The following SPATA16 variants were observed in gnomAD, a reference collection of about 807,000 sequenced individuals.
SPATA16 encodes spermatogenesis-associated protein 16.
A neutral mutation model predicts 63.3 loss-of-function variants in SPATA16; 36 were observed. The ratio of observed to expected loss-of-function variants is 0.57; its 90% CI spans 0.44 to 0.75. The LOEUF (loss-of-function observed/expected upper bound fraction) is 0.75. SPATA16 is among the 30% of genes least tolerant of loss of function. The pLI, the probability that SPATA16 is intolerant of heterozygous loss-of-function variation, is 0.00. For synonymous variants in SPATA16, 203 were observed against 216.7 expected (o/e 0.94, Z 0.56); for missense variants, 646 against 679.3 (o/e 0.95, Z 0.54).
intron 4 of SPATA16, among the ~76,000 whole-genome samples, chr3:173,016,532 T>C (rs79852764): frequency 6.8e-4 from 104 of 152,344 alleles, no homozygotes; most frequent in African/African-American, 2.4e-3. Flanking sequence ...TTTTAGGATC[T>C]CCTAAGTCAC....
At chr3:172,957,569 T>C (rs1733627487) in intron 5 of SPATA16, among the ~76,000 whole-genome samples, 1 of 152,208 alleles carries the variant, frequency 6.6e-6, no homozygotes, top group Non-Finnish European at 1.5e-5. Context: ...CTTTTCCTTC[T>C]AATGAGGCTT....
chr3:173,113,885 T>C (rs931952239), intron 2 of SPATA16, among the ~76,000 whole-genome samples: 11 of 152,160 alleles, frequency 7.2e-5, no homozygotes, highest in African/African-American at 2.7e-4. Flanking sequence ...TTGGCAACCA[T>C]TCTGAATGCC....
chr3:173,005,796 G>GA (rs530528436), intron 4 of SPATA16, among the ~76,000 whole-genome samples: 40 of 152,044 alleles, frequency 2.6e-4, no homozygotes, highest in Admixed American at 1.9e-3. Context: ...TATTTTTACA[G>GA]AAAAAATATG....
chr3:172,961,082 C>CTTCCTTCT (rs1286771883), intron 5 of SPATA16, among the ~76,000 whole-genome samples: 15 of 131,180 alleles, frequency 1.1e-4, no homozygotes, highest in Admixed American at 1.1e-3. Flanking sequence ...TCCTTCCTTC[C>CTTCCTTCT]TTCCTTCCTT....
At chr3:173,025,671 T>C (rs1387225655) in intron 3 of SPATA16, among the ~76,000 whole-genome samples, 1 of 151,942 alleles carries the variant, frequency 6.6e-6, no homozygotes, top group Non-Finnish European at 1.5e-5. Flanking sequence ...TTTATAGTTT[T>C]ACCTTCTCTA....
chr3:172,931,176 T>A (rs748837915), intron 6 of SPATA16, among the ~76,000 whole-genome samples: 3 of 152,200 alleles, frequency 2.0e-5, no homozygotes, highest in African/African-American at 7.2e-5. Context: ...TCCTGTTTCA[T>A]AGGGGCATGT....
At chr3:172,967,483 A>G (rs146421770) in intron 5 of SPATA16, among the ~76,000 whole-genome samples, 1 of 152,142 alleles carries the variant, frequency 6.6e-6, no homozygotes, top group African/African-American at 2.4e-5. Flanking sequence ...GTTTATTTAT[A>G]TGTTATTTTC....
chr3:172,891,472 C>T (rs1435257854), intron 10 of SPATA16, among the ~76,000 whole-genome samples: 1 of 152,204 alleles, frequency 6.6e-6, no homozygotes, highest in Non-Finnish European at 1.5e-5. Context: ...TGTATGTTCA[C>T]CTCCTACCTG....
At chr3:173,034,045 A>G (rs558687326) in intron 3 of SPATA16, among the ~76,000 whole-genome samples, 2 of 152,250 alleles carry the variant, frequency 1.3e-5, no homozygotes, top group South Asian at 4.1e-4. Flanking sequence ...GGTACAATGA[A>G]TAAACTTCCC....
chr3:173,042,545 T>C (rs1473827241), intron 3 of SPATA16, among the ~76,000 whole-genome samples: 1 of 152,160 alleles, frequency 6.6e-6, no homozygotes, highest in Admixed American at 6.6e-5. Context: ...TTTATGAAAA[T>C]ATAGAGCTTA....
intron 4 of SPATA16, 64 bp from the exon 5 acceptor site, chr3:172,977,116 A>C: frequency 3.9e-6 from 5 of 1,285,946 alleles, no homozygotes; most frequent in Non-Finnish European, 5.6e-6. Context: ...GGAAAACCAT[A>C]ACAGGCACTA....
chr3:173,096,223 C>G (rs1261585675), intron 2 of SPATA16, among the ~76,000 whole-genome samples: 1 of 152,020 alleles, frequency 6.6e-6, no homozygotes, highest in Non-Finnish European at 1.5e-5. Flanking sequence ...CTGGCACTAT[C>G]ATAGGATGGT....
At chr3:172,992,355 T>C (rs968802653) in intron 4 of SPATA16, among the ~76,000 whole-genome samples, 2 of 152,126 alleles carry the variant, frequency 1.3e-5, no homozygotes, top group African/African-American at 4.8e-5. Flanking sequence ...TGAGTTGCTT[T>C]TAAGGAAAGC....
intron 4 of SPATA16, among the ~76,000 whole-genome samples, chr3:172,980,865 G>A (rs1053822918): frequency 6.6e-6 from 1 of 152,100 alleles, no homozygotes; most frequent in African/African-American, 2.4e-5. Flanking sequence ...AAAGCAAACT[G>A]GAAAACCTCG....
intron 6 of SPATA16, among the ~76,000 whole-genome samples, chr3:172,952,809 G>A (rs28716012): frequency 0.034 from 5,125 of 151,862 alleles, 255 homozygotes; most frequent in African/African-American, 0.11. Flanking sequence ...GCATGGTGGC[G>A]TGCCCCTATA....
chr3:173,051,334 T>C (rs1039984166), intron 2 of SPATA16, among the ~76,000 whole-genome samples: 10 of 151,658 alleles, frequency 6.6e-5, no homozygotes, highest in African/African-American at 9.7e-5. Context: ...TCCCAAGTAG[T>C]TGGGATTACA....
intron 3 of SPATA16, among the ~76,000 whole-genome samples, chr3:173,044,469 T>A (rs1735913046): frequency 6.6e-6 from 1 of 152,184 alleles, no homozygotes; most frequent in South Asian, 2.1e-4. Context: ...TCTGTTTCTT[T>A]GTTGGGATTC....
chr3:173,093,755 T>C (rs2108321026), intron 2 of SPATA16, among the ~76,000 whole-genome samples: 1 of 152,292 alleles, frequency 6.6e-6, no homozygotes, highest in South Asian at 2.1e-4. Context: ...CCTCAAAAGG[T>C]ATTGATACAG....
At chr3:172,978,151 C>CTATATA (rs1734210619) in intron 4 of SPATA16, among the ~76,000 whole-genome samples, 1 of 148,512 alleles carries the variant, frequency 6.7e-6, no homozygotes, top group African/African-American at 2.5e-5. Context: ...CTCTCTCTCT[C>CTATATA]TCTCTCTCTC....
Sources: gnomAD v4.1 joint callset for allele counts (sites outside exome capture counted in the v4.1 genomes callset) on GRCh38, gnomAD v4.1.1 for gene constraint, MANE v1.5 for transcripts, NCBI Gene and HGNC (gene_info 2026-07-23, HGNC 2026-07-21) for gene names.